The following SPMAP2L variants were observed in gnomAD, a reference collection of about 807,000 sequenced individuals.
The protein encoded by SPMAP2L is sperm microtubule associated protein 2-like.
chr4:56,551,812 A>G, the SPMAP2L span, among the ~76,000 whole-genome samples: 1 of 152,218 alleles, frequency 6.6e-6, no homozygotes, highest in African/African-American at 2.4e-5. Context: ...CCCTCCTGCC[A>G]GAGTCTAGTG....
the SPMAP2L span, among the ~76,000 whole-genome samples, chr4:56,580,591 A>G: frequency 6.6e-6 from 1 of 152,130 alleles, no homozygotes; most frequent in African/African-American, 2.4e-5. Flanking sequence ...CACTATTACT[A>G]TTCAGTCTCA....
the SPMAP2L span, among the ~76,000 whole-genome samples, chr4:56,579,131 A>T: frequency 6.6e-6 from 1 of 152,040 alleles, no homozygotes; most frequent in South Asian, 2.1e-4. Context: ...TGTCTATGAA[A>T]CCTCTACTCA....
At chr4:56,618,047 G>A in the SPMAP2L span, among the ~76,000 whole-genome samples, 1 of 152,114 alleles carries the variant, frequency 6.6e-6, no homozygotes, top group South Asian at 2.1e-4. Context: ...TAGGGTCTCG[G>A]GCTTTTACAT....
the SPMAP2L span, among the ~76,000 whole-genome samples, chr4:56,532,195 T>C: frequency 6.6e-6 from 1 of 151,502 alleles, no homozygotes; most frequent in Non-Finnish European, 1.5e-5. Flanking sequence ...TACTCTCCTC[T>C]AAACTTCACA....
At chr4:56,533,209 C>A in the SPMAP2L span, among the ~76,000 whole-genome samples, 7 of 152,146 alleles carry the variant, frequency 4.6e-5, no homozygotes, top group Non-Finnish European at 4.4e-5. Flanking sequence ...GATAACTGAC[C>A]TTTAAATCCA....
the SPMAP2L span, among the ~76,000 whole-genome samples, chr4:56,621,398 A>G: frequency 3.3e-5 from 5 of 152,344 alleles, no homozygotes; most frequent in Non-Finnish European, 7.4e-5. Context: ...GTATGACACC[A>G]TTTAGTTCAC....
the SPMAP2L span, chr4:56,595,496 T>C: frequency 1.3e-6 from 2 of 1,561,940 alleles, no homozygotes; most frequent in Admixed American, 1.7e-5. Flanking sequence ...CCGCTGAAGA[T>C]GTCTCCACAC....
chr4:56,601,262 A>T, the SPMAP2L span, among the ~76,000 whole-genome samples: 1 of 152,196 alleles, frequency 6.6e-6, no homozygotes, highest in African/African-American at 2.4e-5. Context: ...ATTGTGATAC[A>T]TCTATGGTCT....
At chr4:56,609,373 G>A in the SPMAP2L span, among the ~76,000 whole-genome samples, 4 of 152,238 alleles carry the variant, frequency 2.6e-5, no homozygotes, top group Non-Finnish European at 4.4e-5. Context: ...TAACTTGTTC[G>A]ATTTCACAGG....
chr4:56,602,509 A>G, the SPMAP2L span, among the ~76,000 whole-genome samples: 32 of 152,240 alleles, frequency 2.1e-4, no homozygotes, highest in South Asian at 6.2e-3. Flanking sequence ...ACTGGGCAAC[A>G]TGGTGAAACC....
the SPMAP2L span, among the ~76,000 whole-genome samples, chr4:56,545,922 C>T: frequency 3.9e-5 from 6 of 151,932 alleles, no homozygotes; most frequent in East Asian, 1.9e-4. Flanking sequence ...CCTCCTGAGT[C>T]GCTGGGATTA....
At chr4:56,594,218 A>G in the SPMAP2L span, 9 of 1,609,466 alleles carry the variant, frequency 5.6e-6, no homozygotes, top group African/African-American at 9.4e-5. Flanking sequence ...CCCGTTCCTC[A>G]CCCATCAAGT....
At chr4:56,592,050 G>T in the SPMAP2L span, among the ~76,000 whole-genome samples, 1 of 152,224 alleles carries the variant, frequency 6.6e-6, no homozygotes, top group South Asian at 2.1e-4. Context: ...ACAGCAGGAG[G>T]TGAGCAGGAG....
the SPMAP2L span, among the ~76,000 whole-genome samples, chr4:56,556,870 A>G: frequency 6.6e-6 from 1 of 152,016 alleles, no homozygotes; most frequent in Non-Finnish European, 1.5e-5. Flanking sequence ...GAGAGACTCC[A>G]TCTCTAAATA....
the SPMAP2L span, among the ~76,000 whole-genome samples, chr4:56,556,084 A>G: frequency 6.6e-6 from 1 of 152,214 alleles, no homozygotes; most frequent in Non-Finnish European, 1.5e-5. Context: ...ACCCAATTCA[A>G]CTTGGATTTG....
At chr4:56,595,673 G>A in the SPMAP2L span, 1 of 1,133,242 alleles carries the variant, frequency 8.8e-7, no homozygotes, top group East Asian at 2.3e-5. Flanking sequence ...GCCCACCCAT[G>A]GAAGTTTATG....
the SPMAP2L span, among the ~76,000 whole-genome samples, chr4:56,567,801 A>C: frequency 6.6e-6 from 1 of 151,988 alleles, no homozygotes; most frequent in Non-Finnish European, 1.5e-5. Context: ...GGTTTTTAAA[A>C]ATTTGATTAT....
the SPMAP2L span, chr4:56,603,212 TCC>T: frequency 6.6e-7 from 1 of 1,519,424 alleles, no homozygotes; most frequent in Non-Finnish European, 8.8e-7. Flanking sequence ...ATTTCAGGGC[TCC>T]TGTGCGTATT....
At chr4:56,534,010 A>G in the SPMAP2L span, among the ~76,000 whole-genome samples, 1 of 152,076 alleles carries the variant, frequency 6.6e-6, no homozygotes, top group African/African-American at 2.4e-5. Flanking sequence ...CAACAGCAAA[A>G]TGCACAATAA....
Sources: allele counts gnomAD v4.1 joint callset (sites outside exome capture counted in the v4.1 genomes callset), GRCh38; gene constraint gnomAD v4.1.1; transcripts MANE v1.5; gene names NCBI Gene and HGNC (gene_info 2026-07-23, HGNC 2026-07-21).